The following C9 variants were observed in gnomAD, a reference collection of about 807,000 sequenced individuals.
C9 encodes the protein complement component C9.
C9 carries 63 observed loss-of-function variants against 65.4 expected under a neutral mutation model. The ratio of observed to expected loss-of-function variants is 0.96; its 90% CI spans 0.79 to 1.19. The LOEUF (loss-of-function observed/expected upper bound fraction) is 1.19. C9 is among the 50% of genes most tolerant of loss of function. C9 has a pLI of 0.00. For missense variants in C9, 744 were observed against 670.1 expected (o/e 1.11, Z -1.22); for synonymous variants, 229 against 227.9 (o/e 1.00, Z -0.04).
intron 1 of C9, among the ~76,000 whole-genome samples, chr5:39,347,428 TC>T (rs1400616923): frequency 6.6e-6 from 1 of 152,078 alleles, no homozygotes; most frequent in East Asian, 1.9e-4. Flanking sequence ...CACAATTGCT[TC>T]AAAGAGAATA....
chr5:39,358,564 G>A (rs1754448706), intron 1 of C9, among the ~76,000 whole-genome samples: 1 of 152,204 alleles, frequency 6.6e-6, no homozygotes, highest in African/African-American at 2.4e-5. Context: ...TTCTGTGGTT[G>A]CTGGATGGAG....
intron 5 of C9, among the ~76,000 whole-genome samples, chr5:39,325,543 G>A (rs536355737): frequency 2.0e-5 from 3 of 152,118 alleles, no homozygotes; most frequent in Non-Finnish European, 2.9e-5. Flanking sequence ...GGGAGGCCGA[G>A]GCAGGCGGAT....
chr5:39,333,559 C>T (rs1753883395), intron 4 of C9, among the ~76,000 whole-genome samples: 1 of 137,494 alleles, frequency 7.3e-6, no homozygotes, highest in African/African-American at 2.5e-5. Context: ...CTTATATCTC[C>T]CTCTCCCTCT....
chr5:39,360,607 A>G (rs1034837545), intron 1 of C9, among the ~76,000 whole-genome samples: 1 of 152,226 alleles, frequency 6.6e-6, no homozygotes, highest in African/African-American at 2.4e-5. Flanking sequence ...TAAGAGAAAG[A>G]CAGGAGACTC....
intron 9 of C9, among the ~76,000 whole-genome samples, chr5:39,292,544 G>A (rs1160722963): frequency 1.3e-5 from 2 of 151,752 alleles, no homozygotes; most frequent in East Asian, 3.9e-4. Flanking sequence ...CCTACATAAA[G>A]TAATCATGAG....
chr5:39,313,625 A>G (rs1579851747), intron 6 of C9, among the ~76,000 whole-genome samples: 1 of 152,298 alleles, frequency 6.6e-6, no homozygotes, highest in Non-Finnish European at 1.5e-5. Flanking sequence ...TCCATAGACC[A>G]CACTCTAAGT....
rs1206280086 is a variant in C9 at position 39,308,341 on chromosome 5, T to A, written c.1129A>T (p.Ile377Leu). ...AGATGATACCCAAGGCATCTCTTTATGTCTTTTAGTTCAACACCTGTTTAA... is the reference window on the plus strand; with the variant it reads ...AGATGATACCCAAGGCATCTCTTTAAGTCTTTTAGTTCAACACCTGTTTAA... ...MKRKGVELKD[I>L]KRCLGYHLDV... is the part of the protein sequence containing the mutation. Residue 377 changes from isoleucine (I) to leucine (L), a missense_variant, in exon 8 of 11, where the codon ATA becomes TTA. By Grantham distance (5) the Ile-to-Leu change is conservative (BLOSUM62 2). Transcript: ENST00000263408. The A allele has an allele frequency of 6.3e-7, 1 of 1,596,988 alleles. No individual in the cohort carries two copies. Among genetic ancestry groups the A allele is most frequent in the East Asian group, 2.2e-5 (1 of 44,770 alleles).
At chr5:39,302,242 TA>T (rs1753299259) in intron 9 of C9, among the ~76,000 whole-genome samples, 1 of 152,166 alleles carries the variant, frequency 6.6e-6, no homozygotes, top group Non-Finnish European at 1.5e-5. Flanking sequence ...GATGAACTTT[TA>T]TCTTCTATTA....
chr5:39,345,236 TAA>T (rs1754167682), intron 1 of C9, among the ~76,000 whole-genome samples: 1 of 152,098 alleles, frequency 6.6e-6, no homozygotes, highest in Admixed American at 6.5e-5. Context: ...GCAAATTGGA[TAA>T]AGAGTAAAGA....
chr5:39,287,370 G>T (rs931096719), intron 10 of C9, among the ~76,000 whole-genome samples: 5 of 151,580 alleles, frequency 3.3e-5, no homozygotes, highest in Non-Finnish European at 7.4e-5. Flanking sequence ...TTTGTATATG[G>T]TAAGAGAATA....
At chr5:39,317,741 C>T (rs28875937) in intron 5 of C9, among the ~76,000 whole-genome samples, 4,484 of 152,094 alleles carry the variant, frequency 0.029, 201 homozygotes, top group African/African-American at 0.1. Context: ...TTTTGATTAC[C>T]GTAGCCTTGT....
intron 4 of C9, among the ~76,000 whole-genome samples, chr5:39,333,147 TATTTG>T (rs1349095233): frequency 1.3e-5 from 2 of 150,418 alleles, no homozygotes; most frequent in Non-Finnish European, 2.9e-5. Context: ...AAACATTATA[TATTTG>T]ATTTATTTTT....
Position 39,341,282 on chromosome 5 carries a change from T to C in C9, c.340A>G (p.Lys114Glu). 6 of 1,614,168 alleles carry C rather than the reference T, an allele frequency of 3.7e-6. No homozygotes were observed. Among genetic ancestry groups the C allele is most frequent in the Non-Finnish European group, 5.1e-6 (6 of 1,179,998 alleles). Reference protein sequence around the residue: ...DFQCSTGRCIKMRLRCNGDND... With the variant: ...DFQCSTGRCIEMRLRCNGDND... ...TCACCATTACACCGAAGTCGCATCTTTATGCATCTGCCTGCAATCAAAATC... is the reference window on the plus strand; with the variant it reads ...TCACCATTACACCGAAGTCGCATCTCTATGCATCTGCCTGCAATCAAAATC... The change falls in exon 4 of 11, where the codon AAG (lysine) becomes GAG (glutamate). Residue 114 changes from lysine (K) to glutamate (E), a missense_variant. Coordinates refer to ENST00000263408, the MANE Select transcript of C9 (RefSeq NM_001737.5).
At chr5:39,312,949 C>A (rs1055179943) in intron 6 of C9, among the ~76,000 whole-genome samples, 5 of 152,030 alleles carry the variant, frequency 3.3e-5, no homozygotes, top group Non-Finnish European at 7.4e-5. Flanking sequence ...CTCTTCATCT[C>A]CTGACTTGCA....
chr5:39,338,890 A>G (rs568207500), intron 4 of C9, among the ~76,000 whole-genome samples: 1 of 152,226 alleles, frequency 6.6e-6, no homozygotes, highest in Non-Finnish European at 1.5e-5. Context: ...AAACCAATAG[A>G]TTATGAATGA....
In C9 at chr5:39,342,826, C is replaced by T. The variant is rs1325148815; in HGVS notation, c.78-630G>A. Among the ~76,000 whole-genome samples, 3 of 152,100 alleles carry T rather than the reference C, an allele frequency of 2.0e-5. No homozygotes were observed. In the East Asian group the frequency reaches 5.8e-4, roughly 29 times the overall value. On this transcript the variant is annotated intron_variant, in intron 1 of 10. Coordinates refer to ENST00000263408, the MANE Select transcript of C9 (RefSeq NM_001737.5). The stretch of plus-strand genomic sequence containing the variant: ...ATTTTGGCACTTATGCCTCCCTTTC[C>T]ACCCCTAGGCCCACTGCTCAGCAAG...
At chr5:39,338,689 C>T (rs1366950776) in intron 4 of C9, among the ~76,000 whole-genome samples, 2 of 152,188 alleles carry the variant, frequency 1.3e-5, no homozygotes, top group African/African-American at 2.4e-5. Context: ...ATTTCTGCAG[C>T]TGACCTTTCC....
At chr5:39,329,187 T>G (rs536775752) in intron 5 of C9, among the ~76,000 whole-genome samples, 1 of 152,332 alleles carries the variant, frequency 6.6e-6, no homozygotes, top group African/African-American at 2.4e-5. Context: ...CCCTTTTTAC[T>G]TCTACAGTTG....
chr5:39,341,978 C>A, intron 2 of C9, 113 bp downstream of exon 2: 1 of 770,028 alleles, frequency 1.3e-6, no homozygotes, highest in Non-Finnish European at 2.4e-6. Context: ...ATCTCTCTTT[C>A]TGGGTTTGGA....
Sources: gnomAD v4.1 joint callset for allele counts (sites outside exome capture counted in the v4.1 genomes callset) on GRCh38, gnomAD v4.1.1 for gene constraint, MANE v1.5 for transcripts, NCBI Gene and HGNC (gene_info 2026-07-23, HGNC 2026-07-21) for gene names.